The following TAF1 variants were observed in gnomAD, a reference collection of about 807,000 sequenced individuals.
TAF1 encodes TATA-box binding protein associated factor 1.
A neutral mutation model predicts 138.5 loss-of-function variants in TAF1; 2 were observed. The ratio of observed to expected loss-of-function variants is 0.01; its 90% CI spans 0.01 to 0.05. The LOEUF (loss-of-function observed/expected upper bound fraction) is 0.05, where lower values mean the gene tolerates loss of function less well. Ranked by LOEUF, TAF1 falls within the 10% of genes least tolerant of loss-of-function variation. The pLI, the probability that TAF1 is intolerant of heterozygous loss-of-function variation, is 1.00. For missense variants in TAF1, 709 were observed against 1,478.0 expected, an observed-to-expected ratio of 0.48 and a Z score of 8.53; for synonymous variants, 437 against 503.2, an observed-to-expected ratio of 0.87 and a Z score of 1.76.
intron 34 of TAF1, chrX:71,455,085 G>A: frequency 8.9e-7 from 1 of 1,125,805 alleles, no homozygotes; most frequent in Non-Finnish European, 1.2e-6. Context: ...AATGGGGTGG[G>A]GCCTTAGTTG....
intron 37 of TAF1, chrX:71,461,082 G>A (rs1156650824): frequency 3.2e-6 from 1 of 314,381 alleles, no homozygotes; most frequent in Non-Finnish European, 5.6e-6. Flanking sequence ...GCACCACTGA[G>A]AAGGGAGTGT....
At chrX:71,393,713 A>G (rs1183524007) in intron 21 of TAF1, among the ~76,000 whole-genome samples, 2 of 111,855 alleles carry the variant, frequency 1.8e-5, no homozygotes, top group Non-Finnish European at 3.8e-5. Flanking sequence ...AGGTTCCATG[A>G]CAACTTTTAT....
rs765879428 is a variant in TAF1, at chrX:71,454,257, G to T, written c.4821+20G>T. ...ACTGAGGTAGGTGGTAAAGATGGAG[G>T]TCCTAAGCCTGGGCAACATAAGGAG... On this transcript the variant is annotated intron_variant, in intron 33 of 37. Transcript: ENST00000423759. 7.5e-6 allele frequency: 9 copies of T among 1,192,636 alleles called. No individual in the cohort carries two copies. The highest frequency in any genetic ancestry group is 6.6e-5 in the Admixed American group (3 of 45,641).
intron 8 of TAF1, among the ~76,000 whole-genome samples, chrX:71,379,859 C>A (rs1174010888): frequency 2.7e-5 from 3 of 111,591 alleles, no homozygotes; most frequent in Non-Finnish European, 3.8e-5. Flanking sequence ...GCCTCAGCCT[C>A]CCAAAGTGCT....
At position 71,384,155 on chromosome X, in the gene TAF1, A is replaced by C. The variant is rs199801881; in HGVS notation, c.2121+20A>C. 1.9e-5 allele frequency: 23 copies of C among 1,203,129 alleles called. No individual in the cohort carries two copies. Among genetic ancestry groups the C allele is most frequent in the Middle Eastern group, 2.3e-4 (1 of 4,306 alleles). ...AAACGGGTGAGTCTCTGCTCAGAAA[A>C]TTTTTTTCCCATACATAATTCTGCT... On this transcript the variant is annotated intron_variant, in intron 13 of 37. Coordinates refer to ENST00000423759, the MANE Select transcript of TAF1 (RefSeq NM_004606.5).
intron 13 of TAF1, among the ~76,000 whole-genome samples, chrX:71,490,418 A>G (rs767607245): frequency 8.9e-6 from 1 of 112,167 alleles, no homozygotes; most frequent in African/African-American, 3.2e-5. Flanking sequence ...TGTCTGTTAT[A>G]CTAAGGAATT....
intron 32 of TAF1, among the ~76,000 whole-genome samples, chrX:71,448,820 C>CTTTTTTT (rs760089481): frequency 3.2e-5 from 3 of 92,430 alleles, no homozygotes; most frequent in East Asian, 6.5e-4. Flanking sequence ...TTTTCTTTTT[C>CTTTTTTT]TTTTTTTTTT....
At chrX:71,410,287 T>C (rs1419482593) in intron 28 of TAF1, among the ~76,000 whole-genome samples, 1 of 109,947 alleles carries the variant, frequency 9.1e-6, no homozygotes, top group Non-Finnish European at 1.9e-5. Flanking sequence ...AGTGTTTAAA[T>C]AGCTTAAAAA....
chrX:71,413,300 C>T (rs1229929621), intron 28 of TAF1, among the ~76,000 whole-genome samples: 2 of 111,741 alleles, frequency 1.8e-5, no homozygotes, highest in Non-Finnish European at 3.8e-5. Flanking sequence ...TTTGTAATCC[C>T]ACCAGCAGTG....
intron 1 of TAF1, among the ~76,000 whole-genome samples, 174 bp from the exon 2 acceptor site, chrX:71,367,325 G>GCGGAA (rs1411156563): frequency 1.8e-5 from 2 of 112,688 alleles, no homozygotes; most frequent in African/African-American, 6.4e-5. Flanking sequence ...TCTGATCGAT[G>GCGGAA]CGGAGTTTGG....
At chrX:71,431,277 G>A (rs1370201398) in intron 32 of TAF1, among the ~76,000 whole-genome samples, 1 of 109,287 alleles carries the variant, frequency 9.2e-6, no homozygotes, top group Non-Finnish European at 1.9e-5. Context: ...TGGCCAGGCT[G>A]GTCTCAAACT....
chrX:71,499,635 C>T (rs747854826), intron 13 of TAF1, among the ~76,000 whole-genome samples: 83 of 107,946 alleles, frequency 7.7e-4, no homozygotes, highest in Admixed American at 2.1e-3. Flanking sequence ...CGCAGGTCAG[C>T]ATATGTTTAT....
At chrX:71,511,296 T>C (rs755398505) in intron 13 of TAF1, among the ~76,000 whole-genome samples, 2 of 111,609 alleles carry the variant, frequency 1.8e-5, no homozygotes, top group South Asian at 7.5e-4. Context: ...CCCCAAGAGA[T>C]CCAAATGCTT....
intron 13 of TAF1, among the ~76,000 whole-genome samples, chrX:71,494,249 C>T (rs1462920072): frequency 9.1e-6 from 1 of 110,371 alleles, no homozygotes; most frequent in African/African-American, 3.3e-5. Flanking sequence ...ATGGTGAAAC[C>T]CCATCTCTAC....
chrX:71,429,635 T>G (rs1169052987), intron 32 of TAF1, among the ~76,000 whole-genome samples: 1 of 111,360 alleles, frequency 9.0e-6, no homozygotes, highest in East Asian at 2.8e-4. Context: ...AGTACCTGAA[T>G]GTATCATTCT....
intron 32 of TAF1, among the ~76,000 whole-genome samples, chrX:71,434,233 T>C (rs1006857521): frequency 8.9e-6 from 1 of 112,019 alleles, no homozygotes; most frequent in African/African-American, 3.2e-5. Context: ...CATGGCAGTG[T>C]GTGCCTGTTG....
intron 27 of TAF1, 23 bp from the exon 28 acceptor site, chrX:71,407,951 A>G (rs1468935405): frequency 8.4e-7 from 1 of 1,196,836 alleles, no homozygotes; most frequent in South Asian, 1.8e-5. Flanking sequence ...TTGCTGATGT[A>G]TGGTTCTGGC....
At chrX:71,445,902 A>G (rs1490103998) in intron 32 of TAF1, among the ~76,000 whole-genome samples, 1 of 109,796 alleles carries the variant, frequency 9.1e-6, no homozygotes, top group Non-Finnish European at 1.9e-5. Context: ...TGGCTTGCAG[A>G]CAGTTGTTCA....
In TAF1 at chrX:71,388,230, T is replaced by C; in HGVS notation, c.2428-7T>C. 1 of 1,210,389 alleles carries C rather than the reference T, an allele frequency of 8.3e-7. No individual in the cohort carries two copies. The highest frequency in any genetic ancestry group is 1.1e-6 in the Non-Finnish European group (1 of 895,188). On this transcript the variant is annotated splice_region_variant and splice_polypyrimidine_tract_variant and intron_variant, in intron 15 of 37. Transcript: ENST00000423759. Reference sequence around the variant, plus strand: ...GCCAAATAAAATACACTTGGTTTGTTGGGCAGGTTTTTATTTACCGCCTTT... The same window carrying C: ...GCCAAATAAAATACACTTGGTTTGTCGGGCAGGTTTTTATTTACCGCCTTT...
Sources: allele counts gnomAD v4.1 joint callset (sites outside exome capture counted in the v4.1 genomes callset), GRCh38; gene constraint gnomAD v4.1.1; transcripts MANE v1.5; gene names NCBI Gene and HGNC (gene_info 2026-07-23, HGNC 2026-07-21).